Variants in PPP1R9A observed in about 807,000 individuals in gnomAD.
PPP1R9A encodes the protein protein phosphatase 1 regulatory subunit 9A, also known as neurabin-1.
PPP1R9A carries 59 observed loss-of-function variants against 141.9 expected under a neutral mutation model. That is an observed-to-expected ratio of 0.42 (90% confidence interval 0.34 to 0.52). PPP1R9A has a LOEUF of 0.52. Ranked by LOEUF, PPP1R9A falls within the 20% of genes least tolerant of loss-of-function variation. The pLI is 0.10. For missense variants in PPP1R9A, 1,444 were observed against 1,611.9 expected (o/e 0.90, Z 1.78); for synonymous variants, 500 against 569.7 (o/e 0.88, Z 1.74).
intron 8 of PPP1R9A, among the ~76,000 whole-genome samples, chr7:95,241,468 T>C (rs1434851869): frequency 6.6e-6 from 1 of 152,162 alleles, no homozygotes; most frequent in Non-Finnish European, 1.5e-5. Context: ...TTCATGACTC[T>C]TTTATATTCT....
intron 4 of PPP1R9A, among the ~76,000 whole-genome samples, chr7:95,123,459 G>C (rs1822989953): frequency 6.6e-6 from 1 of 152,176 alleles, no homozygotes; most frequent in South Asian, 2.1e-4. Context: ...GACCAGCCTG[G>C]CCAACATGGT....
chr7:95,168,741 A>G (rs1449940127), intron 5 of PPP1R9A, among the ~76,000 whole-genome samples: 1 of 152,152 alleles, frequency 6.6e-6, no homozygotes, highest in Non-Finnish European at 1.5e-5. Context: ...ATGAATAGAC[A>G]TTTCTCAAAA....
Position 95,203,738 on chromosome 7 carries a change from T to G in PPP1R9A, c.1956+8T>G. 1 of 1,532,676 alleles carries G rather than the reference T, an allele frequency of 6.5e-7. No homozygotes were observed. Among genetic ancestry groups the G allele is most frequent in the South Asian group, 1.2e-5 (1 of 83,784 alleles). The allele number at this position is 1,532,676 out of a possible 1,614,324, so 94.9% of individuals were successfully genotyped here. ...AACAACTATTTTCTTAAGGTTTGTT[T>G]TTTGGTTTAAAGTAATGCTTACCTG... On this transcript the variant is annotated splice_region_variant and intron_variant, in intron 7 of 19. Transcript: ENST00000433360.
At chr7:95,028,745 C>A (rs1024615748) in intron 2 of PPP1R9A, among the ~76,000 whole-genome samples, 1 of 152,172 alleles carries the variant, frequency 6.6e-6, no homozygotes, top group Non-Finnish European at 1.5e-5. Flanking sequence ...TTAATACATA[C>A]AAACAAATTC....
intron 2 of PPP1R9A, among the ~76,000 whole-genome samples, chr7:94,947,401 G>T (rs1796010679): frequency 6.6e-6 from 1 of 152,072 alleles, no homozygotes; most frequent in Non-Finnish European, 1.5e-5. Flanking sequence ...TAGTTGGCTG[G>T]GCCTATATCC....
In PPP1R9A at chr7:95,267,729, C is replaced by T. The variant is rs1020056514; in HGVS notation, c.2666-821C>T. ...TTTAAAGACTTAAGTATTTACCCTTCGAAAATCAGTGTCGTTTCTGGTGGG... is the reference window on the plus strand; with the variant it reads ...TTTAAAGACTTAAGTATTTACCCTTTGAAAATCAGTGTCGTTTCTGGTGGG... On this transcript the variant is annotated intron_variant, in intron 12 of 19. Coordinates refer to ENST00000433360, the MANE Select transcript of PPP1R9A (RefSeq NM_001166160.2). Among the ~76,000 whole-genome samples, 16 of 152,078 alleles carry T rather than the reference C, an allele frequency of 1.1e-4. 2 individuals are homozygous for T. The highest frequency in any genetic ancestry group is 6.2e-4 in the South Asian group (3 of 4,814).
intron 16 of PPP1R9A, among the ~76,000 whole-genome samples, chr7:95,276,240 C>G (rs911174215): frequency 2.0e-5 from 3 of 152,160 alleles, no homozygotes; most frequent in Non-Finnish European, 4.4e-5. Flanking sequence ...TGAGCACCTG[C>G]AGCCAGAAAG....
chr7:94,990,283 C>T (rs774814362), intron 2 of PPP1R9A, among the ~76,000 whole-genome samples: 2 of 152,090 alleles, frequency 1.3e-5, no homozygotes, highest in South Asian at 2.1e-4. Context: ...TCAGTTTTCT[C>T]ATGTGCAAAA....
Position 95,215,199 on chromosome 7 carries a change from C to T in PPP1R9A, c.1957-10762C>T, listed in dbSNP as rs139780254. Among the ~76,000 whole-genome samples, 883 of 148,224 alleles carry T rather than the reference C, an allele frequency of 6.0e-3. 4 individuals carry two copies. Among genetic ancestry groups the T allele is most frequent in the Non-Finnish European group, 9.7e-3 (653 of 67,470 alleles). On this transcript the variant is annotated intron_variant, in intron 7 of 19. Coordinates refer to ENST00000433360, the MANE Select transcript of PPP1R9A (RefSeq NM_001166160.2). ...AGTGTTCTCATTGTTCAATTCCCACCTATGAATGAGAACATGCGGTGTTTG... is the reference window on the plus strand; with the variant it reads ...AGTGTTCTCATTGTTCAATTCCCACTTATGAATGAGAACATGCGGTGTTTG...
rs1346949279 is a variant in PPP1R9A at position 95,288,579 on chromosome 7, A to C, written c.3773A>C (p.Asn1258Thr). 1.2e-6 allele frequency: 2 copies of C among 1,614,128 alleles called. No homozygotes were observed. Among genetic ancestry groups the C allele is most frequent in the South Asian group, 2.2e-5 (2 of 91,084 alleles). The change falls in exon 19 of 20, where the codon AAT (asparagine) becomes ACT (threonine). Residue 1258 changes from asparagine to threonine, a missense_variant. Asn to Thr is a moderately conservative substitution (Grantham distance 65, BLOSUM62 0). Around this residue, in one of 5 missense-constraint regions of PPP1R9A, gnomAD observed 459 missense variants for 513.8 expected, o/e 0.89. Transcript: ENST00000433360. ...GQSPKHSQCQ[N>T]RAVQEWSVQQ... ...TCTCCCAAACACAGTCAGTGTCAGA[A>C]TCGGGCCGTTCAGGAATGGAGTGTG...
chr7:94,973,634 T>A (rs1799106806), intron 2 of PPP1R9A, among the ~76,000 whole-genome samples: 1 of 152,110 alleles, frequency 6.6e-6, no homozygotes, highest in Admixed American at 6.6e-5. Flanking sequence ...ATTAGGAAGA[T>A]GACCTTTATT....
intron 2 of PPP1R9A, among the ~76,000 whole-genome samples, chr7:94,915,945 A>G (rs181921979): frequency 4.6e-5 from 7 of 152,264 alleles, no homozygotes; most frequent in African/African-American, 1.7e-4. Flanking sequence ...ACTGATATGG[A>G]AGTAATGTAG....
intron 8 of PPP1R9A, among the ~76,000 whole-genome samples, chr7:95,237,057 T>C (rs1796783484): frequency 2.6e-5 from 4 of 151,624 alleles, no homozygotes. Context: ...TTTTAAGATA[T>C]TTTATATTAA....
intron 5 of PPP1R9A, among the ~76,000 whole-genome samples, chr7:95,177,773 CAA>C (rs1396445491): frequency 1.3e-5 from 2 of 151,904 alleles, no homozygotes; most frequent in Admixed American, 6.6e-5. Flanking sequence ...AAAAAAAAGA[CAA>C]AGAGGGACAT....
At chr7:94,919,599 T>G (rs1436689840) in intron 2 of PPP1R9A, among the ~76,000 whole-genome samples, 1 of 152,192 alleles carries the variant, frequency 6.6e-6, no homozygotes, top group Non-Finnish European at 1.5e-5. Flanking sequence ...CCTTATTCTT[T>G]TACTTTGATT....
At chr7:95,090,816 A>G (rs2152336578) in intron 2 of PPP1R9A, among the ~76,000 whole-genome samples, 2 of 152,130 alleles carry the variant, frequency 1.3e-5, no homozygotes, top group Middle Eastern at 6.8e-3. Context: ...TCAAAAAAAG[A>G]AAAAGAAAAA....
intron 7 of PPP1R9A, among the ~76,000 whole-genome samples, chr7:95,205,501 T>G (rs1355077718): frequency 6.6e-6 from 1 of 152,188 alleles, no homozygotes; most frequent in Non-Finnish European, 1.5e-5. Context: ...AAAACATATA[T>G]TTTATTAGTT....
chr7:95,261,469 G>A (rs1585517876), intron 12 of PPP1R9A, among the ~76,000 whole-genome samples: 2 of 151,816 alleles, frequency 1.3e-5, no homozygotes, highest in South Asian at 4.1e-4. Context: ...AGAAACATTA[G>A]AACATAGGTA....
intron 2 of PPP1R9A, among the ~76,000 whole-genome samples, chr7:95,096,439 C>T (rs1000431043): frequency 2.6e-5 from 4 of 152,088 alleles, no homozygotes; most frequent in African/African-American, 9.7e-5. Flanking sequence ...TGACTGGCCC[C>T]CCTCACCAGG....
Sources: allele counts gnomAD v4.1 joint callset (sites outside exome capture counted in the v4.1 genomes callset), GRCh38; gene constraint gnomAD v4.1.1; regional missense constraint gnomAD v4.1.1; transcripts MANE v1.5; gene names NCBI Gene and HGNC (gene_info 2026-07-23, HGNC 2026-07-21).